The following MCTP1 variants were observed in gnomAD, a reference collection of about 807,000 sequenced individuals.
MCTP1 encodes multiple C2 and transmembrane domain containing 1.
In MCTP1, 69 loss-of-function variants were observed where a neutral mutation model predicts 120.6. The observed-to-expected ratio is 0.57, with a 90% CI of 0.47 to 0.70. The LOEUF (loss-of-function observed/expected upper bound fraction) is 0.70. Ranked by LOEUF, MCTP1 falls within the 30% of genes least tolerant of loss-of-function variation. MCTP1 has a pLI of 0.00. For missense variants in MCTP1, 1,203 were observed against 1,248.8 expected (o/e 0.96, Z 0.55); for synonymous variants, 529 against 493.1 (o/e 1.07, Z -0.96).
intron 17 of MCTP1, among the ~76,000 whole-genome samples, chr5:94,811,565 G>C (rs967439645): frequency 6.6e-6 from 1 of 152,114 alleles, no homozygotes; most frequent in Non-Finnish European, 1.5e-5. Context: ...AACCAAACCC[G>C]ACTTTTTCAG....
chr5:94,755,121 A>G (rs1357825448), intron 19 of MCTP1, among the ~76,000 whole-genome samples: 1 of 152,028 alleles, frequency 6.6e-6, no homozygotes, highest in African/African-American at 2.4e-5. Context: ...AGAGCCTCCC[A>G]TCCTAACATT....
chr5:95,100,742 A>G (rs1223087917), intron 1 of MCTP1, among the ~76,000 whole-genome samples: 2 of 152,202 alleles, frequency 1.3e-5, no homozygotes, highest in Non-Finnish European at 2.9e-5. Context: ...TTTGATTGCT[A>G]CATATCCCAG....
intron 1 of MCTP1, among the ~76,000 whole-genome samples, chr5:95,239,428 C>A (rs57512812): frequency 8.1e-4 from 123 of 152,204 alleles, no homozygotes; most frequent in African/African-American, 2.4e-3. Context: ...ATTTTGACAG[C>A]TGTAGATTTT....
chr5:94,799,027 TG>T lies in MCTP1; in HGVS notation c.2541del (p.Asn847LysfsTer7). The T allele has an allele frequency of 6.2e-7, 1 of 1,611,772 alleles. No individual in the cohort carries two copies. Among genetic ancestry groups the T allele is most frequent in the Non-Finnish European group, 8.5e-7 (1 of 1,178,576 alleles). On this transcript the variant is annotated frameshift_variant, in exon 18 of 23. Transcript: ENST00000515393. LOFTEE classifies it high-confidence loss of function. ...TAGAGACTTACTGTATCACGTTGCC[TG>T]TTATCTTTCCCTGATATTATCAAGA... ...NYFLIISGKD[N>X]RQRDTVVEDM... is the part of the protein sequence containing the mutation.
intron 1 of MCTP1, among the ~76,000 whole-genome samples, chr5:95,050,947 T>C (rs1008263358): frequency 1.3e-5 from 2 of 152,020 alleles, no homozygotes; most frequent in Non-Finnish European, 2.9e-5. Context: ...CACGTGTAGG[T>C]TGGAGTTACA....
rs67319075 is a variant in MCTP1, at chr5:94,846,817, CTGTGTGTG to C, written c.2436+21508_2436+21515del. On this transcript the variant is annotated intron_variant, in intron 17 of 22. Transcript: ENST00000515393. The stretch of plus-strand genomic sequence containing the variant: ...CGTACATGTGTGTCTCTGTGTGTGT[CTGTGTGTG>C]TGTGTGTGTGTGTGTGTGTGGTCTT... 3.4e-5 allele frequency among the ~76,000 whole-genome samples: 5 copies of C among 147,148 alleles called. No homozygotes were observed. In the East Asian group the frequency reaches 6.0e-4, roughly 18 times the overall value.
At chr5:95,194,485 G>A (rs1750167881) in intron 1 of MCTP1, among the ~76,000 whole-genome samples, 1 of 152,126 alleles carries the variant, frequency 6.6e-6, no homozygotes. Flanking sequence ...AATGATTTGA[G>A]GGAAAAACAA....
chr5:95,249,538 G>A (rs1330474052), intron 1 of MCTP1, among the ~76,000 whole-genome samples: 1 of 152,146 alleles, frequency 6.6e-6, no homozygotes, highest in East Asian at 1.9e-4. Context: ...GGAGAAATAG[G>A]AACGCTTTTC....
chr5:95,207,421 G>C (rs1485515100), intron 1 of MCTP1, among the ~76,000 whole-genome samples: 1 of 152,116 alleles, frequency 6.6e-6, no homozygotes, highest in Non-Finnish European at 1.5e-5. Flanking sequence ...CCCCAATCTA[G>C]TGAAAATCAC....
At chr5:95,018,987 G>A (rs1316191066) in intron 1 of MCTP1, among the ~76,000 whole-genome samples, 1 of 151,984 alleles carries the variant, frequency 6.6e-6, no homozygotes, top group Non-Finnish European at 1.5e-5. Flanking sequence ...ATACATATAG[G>A]TTTGGTTTTT....
intron 11 of MCTP1, among the ~76,000 whole-genome samples, chr5:94,893,603 A>G (rs1803184782): frequency 6.6e-6 from 1 of 152,244 alleles, no homozygotes; most frequent in Admixed American, 6.5e-5. Flanking sequence ...AGATAGCCAG[A>G]ATAAATTTGC....
chr5:94,997,071 T>A (rs1371580385), intron 2 of MCTP1, among the ~76,000 whole-genome samples: 1 of 152,120 alleles, frequency 6.6e-6, no homozygotes, highest in Non-Finnish European at 1.5e-5. Context: ...AGTTTATTTT[T>A]TATGCCAATT....
intron 19 of MCTP1, among the ~76,000 whole-genome samples, chr5:94,726,146 T>G (rs1301262981): frequency 6.6e-6 from 1 of 152,128 alleles, no homozygotes; most frequent in Non-Finnish European, 1.5e-5. Context: ...TGCCTAAAGA[T>G]CCCCCTCAAA....
chr5:95,248,964 G>A (rs1192039241), intron 1 of MCTP1, among the ~76,000 whole-genome samples: 1 of 152,192 alleles, frequency 6.6e-6, no homozygotes, highest in Non-Finnish European at 1.5e-5. Context: ...ACCATAGGTA[G>A]AAAGCTGAAA....
rs70978134 is a variant in MCTP1, at chr5:94,847,646, CTGTGTGTG to C, written c.2436+20679_2436+20686del. Among the ~76,000 whole-genome samples, 550 of 115,696 alleles carry C rather than the reference CTGTGTGTG, an allele frequency of 4.8e-3. 3 individuals carry two copies. The highest frequency in any genetic ancestry group is 6.8e-3 in the Non-Finnish European group (393 of 57,380). 75.9% of individuals were successfully genotyped at this position (115,696 alleles called of 152,430 possible). A position where few individuals can be genotyped will look rare whatever the true frequency, so the allele number is the denominator to read the frequency against. On this transcript the variant is annotated intron_variant, in intron 17 of 22. Coordinates refer to ENST00000515393, the MANE Select transcript of MCTP1 (RefSeq NM_024717.7). Reference sequence around the variant, plus strand: ...ACTGATCATATTAAGAAGCAGCAATCTGTGTGTGTGTGTGTGTGTGTGTGTGTGTGTGT... The same window carrying C: ...ACTGATCATATTAAGAAGCAGCAATCTGTGTGTGTGTGTGTGTGTGTGTGT...
At chr5:95,032,238 G>A (rs1245799177) in intron 1 of MCTP1, among the ~76,000 whole-genome samples, 1 of 151,980 alleles carries the variant, frequency 6.6e-6, no homozygotes, top group Non-Finnish European at 1.5e-5. Context: ...TTGACCAAAT[G>A]GACCTACCAG....
chr5:95,225,689 T>C (rs912198567), intron 1 of MCTP1, among the ~76,000 whole-genome samples: 8 of 152,128 alleles, frequency 5.3e-5, no homozygotes, highest in Admixed American at 2.6e-4. Flanking sequence ...TTCCCGTCTT[T>C]CCTCAGGGTT....
chr5:95,139,888 T>C (rs910329744), intron 1 of MCTP1, among the ~76,000 whole-genome samples: 1 of 152,246 alleles, frequency 6.6e-6, no homozygotes, highest in Non-Finnish European at 1.5e-5. Context: ...TCAACTTTAA[T>C]ATTTACAAGC....
At chr5:94,721,749 T>C (rs1760938859) in intron 19 of MCTP1, among the ~76,000 whole-genome samples, 1 of 152,088 alleles carries the variant, frequency 6.6e-6, no homozygotes, top group Non-Finnish European at 1.5e-5. Flanking sequence ...GGTACATTCC[T>C]TTATTGTTGT....
Sources: allele counts gnomAD v4.1 joint callset (sites outside exome capture counted in the v4.1 genomes callset), GRCh38; gene constraint gnomAD v4.1.1; transcripts MANE v1.5; gene names NCBI Gene and HGNC (gene_info 2026-07-23, HGNC 2026-07-21).